UBAP2: variants seen among roughly 807,000 people sequenced by gnomAD.
UBAP2 encodes ubiquitin associated protein 2.
Under a neutral mutation model 139.6 loss-of-function variants are expected in UBAP2, and 75 were observed. The observed-to-expected ratio is 0.54, with a 90% CI of 0.45 to 0.65. The LOEUF is 0.65. Ranked by LOEUF, UBAP2 falls within the 30% of genes least tolerant of loss-of-function variation. The pLI is 0.00. For synonymous variants in UBAP2, 526 were observed against 526.2 expected (o/e 1.00, Z 0.01); for missense variants, 1,368 against 1,369.6 (o/e 1.00, Z 0.02).
At chr9:34,018,371 T>G (rs1222136637) in intron 1 of UBAP2, among the ~76,000 whole-genome samples, 1 of 150,122 alleles carries the variant, frequency 6.7e-6, no homozygotes, top group Non-Finnish European at 1.5e-5. Context: ...TCGGTGAGGA[T>G]GTACAAAAAC....
intron 14 of UBAP2, among the ~76,000 whole-genome samples, chr9:33,944,025 T>G (rs1376585226): frequency 1.3e-5 from 2 of 152,138 alleles, no homozygotes; most frequent in Non-Finnish European, 2.9e-5. Flanking sequence ...CTGAGCTGAC[T>G]ACTCTATTTT....
At chr9:33,954,114 A>C (rs1009475571) in intron 11 of UBAP2, among the ~76,000 whole-genome samples, 3 of 151,824 alleles carry the variant, frequency 2.0e-5, no homozygotes, top group South Asian at 2.1e-4. Context: ...ACCATGTTGG[A>C]CAGGCTGGTC....
intron 6 of UBAP2, among the ~76,000 whole-genome samples, chr9:33,985,605 C>G (rs1283020166): frequency 1.3e-5 from 2 of 152,018 alleles, no homozygotes; most frequent in African/African-American, 4.8e-5. Context: ...CATGTGGGAG[C>G]TAAAAAGGTT....
intron 8 of UBAP2, chr9:33,968,558 G>A (rs307672): frequency 0.99 from 375,763 of 378,494 alleles, 186,600 homozygotes; most frequent in East Asian, 1. Flanking sequence ...CAAATCCCAC[G>A]TGCCACTCAG....
chr9:34,017,192 G>A lies in UBAP2; in HGVS notation c.-41-3C>T. 7.2e-7 allele frequency: 1 copy of A among 1,397,262 alleles called. No individual in the cohort carries two copies. Among genetic ancestry groups the A allele is most frequent in the Non-Finnish European group, 9.7e-7 (1 of 1,030,132 alleles). The allele number at this position is 1,397,262 out of a possible 1,614,324, so 86.6% of individuals were successfully genotyped here. Reference sequence around the variant, plus strand: ...AATGTATGTACAAAATAGAAAATCTGCAAGAAAGTAGGGATGGTAAGCAAA... The same window carrying A: ...AATGTATGTACAAAATAGAAAATCTACAAGAAAGTAGGGATGGTAAGCAAA... On this transcript the variant is annotated splice_polypyrimidine_tract_variant and splice_region_variant and intron_variant, in intron 1 of 28. Transcript: ENST00000379238.
chr9:33,996,571 GAGC>G, intron 3 of UBAP2: 1 of 451,366 alleles, frequency 2.2e-6, no homozygotes, highest in South Asian at 3.2e-5. Flanking sequence ...GTTGACCAAG[GAGC>G]AGATCATTAA....
intron 1 of UBAP2, among the ~76,000 whole-genome samples, chr9:34,024,757 G>A (rs1037129899): frequency 1.3e-5 from 2 of 152,186 alleles, no homozygotes; most frequent in Admixed American, 6.6e-5. Flanking sequence ...GCTGAGGCGG[G>A]TGGATCACTT....
chr9:34,047,536 GAA>G (rs1414748924), intron 1 of UBAP2, among the ~76,000 whole-genome samples: 2 of 152,330 alleles, frequency 1.3e-5, no homozygotes, highest in African/African-American at 4.8e-5. Flanking sequence ...AATTCACAGT[GAA>G]AAGTGAGGAA....
intron 1 of UBAP2, among the ~76,000 whole-genome samples, chr9:34,045,607 C>T (rs773546463): frequency 3.8e-4 from 58 of 152,042 alleles, no homozygotes; most frequent in Non-Finnish European, 7.4e-4. Context: ...CTCCCGACCT[C>T]GTGACCCGCC....
chr9:33,996,359 AGAGGCAAACAAAAAAC>A, intron 3 of UBAP2, 26 bp from the exon 4 acceptor site: 1 of 1,536,642 alleles, frequency 6.5e-7, no homozygotes, highest in Non-Finnish European at 9.0e-7. Context: ...GAAAATGGTT[AGAGGCAAACAAAAAAC>A]TGGCACTTGA....
intron 15 of UBAP2, among the ~76,000 whole-genome samples, 175 bp downstream of exon 15, chr9:33,943,245 G>A (rs1393773505): frequency 1.3e-5 from 2 of 152,168 alleles, no homozygotes; most frequent in African/African-American, 4.8e-5. Context: ...GTTGCTAAGG[G>A]GCAGGGCAAT....
chr9:33,962,359 T>C (rs1827113281), intron 9 of UBAP2, among the ~76,000 whole-genome samples: 1 of 152,072 alleles, frequency 6.6e-6, no homozygotes, highest in Non-Finnish European at 1.5e-5. Context: ...ATTAAAAGTT[T>C]AAAAAAGGCT....
intron 9 of UBAP2, among the ~76,000 whole-genome samples, chr9:33,961,395 C>A (rs920753913): frequency 6.6e-6 from 1 of 152,156 alleles, no homozygotes; most frequent in Non-Finnish European, 1.5e-5. Flanking sequence ...TAATAGGTCT[C>A]CAGCAAAGTT....
chr9:33,968,009 C>A, intron 8 of UBAP2: 2 of 357,516 alleles, frequency 5.6e-6, no homozygotes, highest in Non-Finnish European at 1.1e-5. Context: ...ATTGGTACAG[C>A]CTTTAAAACT....
At chr9:33,949,971 C>T (rs566532986) in intron 12 of UBAP2, among the ~76,000 whole-genome samples, 2 of 152,288 alleles carry the variant, frequency 1.3e-5, no homozygotes, top group African/African-American at 4.8e-5. Context: ...AGAATGAAAG[C>T]CTATGACTAG....
chr9:33,933,649 G>C (rs1280882390), intron 17 of UBAP2, 21 bp from the exon 18 acceptor site: 6 of 1,612,504 alleles, frequency 3.7e-6, no homozygotes, highest in Non-Finnish European at 5.1e-6. Context: ...TGAAGTAGCT[G>C]TAAGAAGCAG....
chr9:34,014,687 T>C (rs1383295648), intron 2 of UBAP2, among the ~76,000 whole-genome samples: 1 of 148,828 alleles, frequency 6.7e-6, no homozygotes, highest in Non-Finnish European at 1.5e-5. Flanking sequence ...CCCAGCTACT[T>C]GGAAGGCTGA....
At chr9:33,930,407 C>T (rs1359311560) in intron 19 of UBAP2, among the ~76,000 whole-genome samples, 1 of 151,912 alleles carries the variant, frequency 6.6e-6, no homozygotes, top group Non-Finnish European at 1.5e-5. Flanking sequence ...CCTAAATGGA[C>T]GGCTGCTTAA....
chr9:33,995,630 T>C (rs1220354238), intron 4 of UBAP2: 2 of 142,166 alleles, frequency 1.4e-5, no homozygotes, highest in Admixed American at 7.4e-5. Flanking sequence ...TAAATAAATA[T>C]ATACATATGT....
Sources: gnomAD v4.1 joint callset for allele counts (sites outside exome capture counted in the v4.1 genomes callset) on GRCh38, gnomAD v4.1.1 for gene constraint, MANE v1.5 for transcripts, NCBI Gene and HGNC (gene_info 2026-07-23, HGNC 2026-07-21) for gene names.